SV2B: variants seen among roughly 807,000 people sequenced by gnomAD.
The protein encoded by SV2B is solute carrier family 22 member B2.
A neutral mutation model predicts 73.9 loss-of-function variants in SV2B; 41 were observed. The ratio of observed to expected loss-of-function variants is 0.56; its 90% CI spans 0.43 to 0.72. The LOEUF (loss-of-function observed/expected upper bound fraction) is 0.72, where lower values mean the gene tolerates loss of function less well. Among genes scored for constraint, SV2B ranks in the 30% least tolerant of loss-of-function variants. The pLI is 0.00. For synonymous variants in SV2B, 314 were observed against 314.2 expected, an observed-to-expected ratio of 1.00 and a Z score of 0.01; for missense variants, 764 against 857.8, an observed-to-expected ratio of 0.89 and a Z score of 1.37.
At chr15:91,114,306 G>A (rs897699904) in intron 1 of SV2B, among the ~76,000 whole-genome samples, 1 of 152,120 alleles carries the variant, frequency 6.6e-6, no homozygotes, top group Admixed American at 6.5e-5. Flanking sequence ...TTGAGGTGCT[G>A]GGAGGGTTAA....
intron 1 of SV2B, among the ~76,000 whole-genome samples, chr15:91,177,526 A>G (rs983944164): frequency 1.1e-4 from 16 of 150,114 alleles, no homozygotes; most frequent in Admixed American, 1.3e-4. Context: ...ACCCATGAGC[A>G]TGGAATGTTC....
intron 1 of SV2B, among the ~76,000 whole-genome samples, chr15:91,208,137 C>T (rs567690045): frequency 4.6e-5 from 7 of 152,248 alleles, no homozygotes; most frequent in African/African-American, 9.6e-5. Context: ...CAGTCTCACC[C>T]GCGTCTGTGA....
chr15:91,126,773 TAGAC>T (rs1259537736), intron 1 of SV2B, among the ~76,000 whole-genome samples: 2 of 152,224 alleles, frequency 1.3e-5, no homozygotes, highest in African/African-American at 2.4e-5. Context: ...GTCATTTTAA[TAGAC>T]AGAAAAACAT....
chr15:91,107,770 C>T (rs537784929), intron 1 of SV2B, among the ~76,000 whole-genome samples: 2 of 152,170 alleles, frequency 1.3e-5, no homozygotes, highest in African/African-American at 2.4e-5. Context: ...CCACCATGCC[C>T]GGCTAATTTT....
At chr15:91,166,739 T>C (rs550278287) in intron 1 of SV2B, among the ~76,000 whole-genome samples, 2 of 152,078 alleles carry the variant, frequency 1.3e-5, no homozygotes, top group Non-Finnish European at 1.5e-5. Flanking sequence ...ATTCCTCTGT[T>C]GAATCCATAC....
chr15:91,203,461 A>T (rs2045529913), intron 1 of SV2B, among the ~76,000 whole-genome samples: 1 of 152,264 alleles, frequency 6.6e-6, no homozygotes, highest in Admixed American at 6.5e-5. Context: ...AGCATCAAGA[A>T]TGTTCTATTT....
Position 91,100,550 on chromosome 15 carries a change from T to A in SV2B, c.-392+187T>A, listed in dbSNP as rs933991962. On this transcript the variant is annotated intron_variant, in intron 1 of 12. Coordinates refer to ENST00000394232, the MANE Select transcript of SV2B (RefSeq NM_001323032.3). The surrounding 1 kb of genome is among the most constrained non-coding windows in gnomAD (Gnocchi z 6.4). ...AAAACCGGCGCAGAAAAGCAAGGAC[T>A]TGCCCGCTGCCTGGAGCTGTGCGCT... Among the ~76,000 whole-genome samples, 1 of 152,218 alleles carries A rather than the reference T, an allele frequency of 6.6e-6. No individual in the cohort carries two copies.
intron 2 of SV2B, among the ~76,000 whole-genome samples, chr15:91,230,560 T>C (rs142645160): frequency 3.0e-4 from 45 of 152,352 alleles, no homozygotes; most frequent in African/African-American, 9.9e-4. Context: ...CATCTAGAAC[T>C]GTCTCACTTG....
At position 91,267,449 on chromosome 15, in the gene SV2B, G is replaced by T; in HGVS notation, c.1120-106G>T. 1.0e-6 allele frequency: 1 copy of T among 974,590 alleles called. No homozygotes were observed. Among genetic ancestry groups the T allele is most frequent in the Non-Finnish European group, 1.6e-6 (1 of 628,962 alleles). The allele number at this position is 974,590 out of a possible 1,614,324, so 60.4% of individuals were successfully genotyped here. A position where few individuals can be genotyped will look rare whatever the true frequency, so the allele number is the denominator to read the frequency against. ...ACAGTGGGGTACCGGTTCTCTCCAT[G>T]GGTTCCTAGGCAACTTATTAGAATA... On this transcript the variant is annotated intron_variant, in intron 7 of 12. Transcript: ENST00000394232. The surrounding 1 kb of genome is among the most constrained non-coding windows in gnomAD (Gnocchi z 4.3).
rs1439188161 is a variant in SV2B, at chr15:91,165,376, C to A, written c.-391-60497C>A. Among the ~76,000 whole-genome samples the A allele has an allele frequency of 2.0e-5, 3 of 152,048 alleles. No homozygotes were observed. The East Asian group carries it at 5.8e-4, about 29-fold the overall frequency. On this transcript the variant is annotated intron_variant, in intron 1 of 12. Coordinates refer to ENST00000394232, the MANE Select transcript of SV2B (RefSeq NM_001323032.3). ...AAAGGATGGTTGTATCAGTATTGAA[C>A]GTGTACAGGCTTTTTTCTTGTCATT...
chr15:91,184,529 A>G (rs1378324815), intron 1 of SV2B, among the ~76,000 whole-genome samples: 2 of 152,116 alleles, frequency 1.3e-5, no homozygotes, highest in East Asian at 3.8e-4. Context: ...AATCTTCCCC[A>G]AGGCCCTGCC....
rs1218473474 is a variant in SV2B, at chr15:91,231,586, C to T, written c.451+4872C>T. ...ATTGGCGACACGTAAGGCAAACCAA[C>T]CCCATCCTTTTCTGCCTGCATTTGA... On this transcript the variant is annotated intron_variant, in intron 2 of 12. Coordinates refer to ENST00000394232, the MANE Select transcript of SV2B (RefSeq NM_001323032.3). The surrounding 1 kb of genome is among the most constrained non-coding windows in gnomAD (Gnocchi z 4.5). 6.6e-6 allele frequency among the ~76,000 whole-genome samples: 1 copy of T among 152,174 alleles called. No individual in the cohort carries two copies. The highest frequency in any genetic ancestry group is 1.5e-5 in the Non-Finnish European group (1 of 68,038).
rs1392003576 is a variant in SV2B at position 91,301,316 on chromosome 15, GTC to G, written c.*8770_*8771del. The G allele has an allele frequency of 1.3e-5, 2 of 152,260 alleles. No individual in the cohort carries two copies. Among genetic ancestry groups the G allele is most frequent in the East Asian group, 3.9e-4 (2 of 5,186 alleles). The allele number at this position is 152,260 out of a possible 1,614,324, so 9.4% of individuals were successfully genotyped here. On this transcript the variant is annotated 3_prime_UTR_variant, in exon 13 of 13. Coordinates refer to ENST00000394232, the MANE Select transcript of SV2B (RefSeq NM_001323032.3). The surrounding 1 kb of genome is among the most constrained non-coding windows in gnomAD (Gnocchi z 4.3). ...TGTGAACTGACAAAACCCACTTTTG[GTC>G]TCTCTTCATATTTTTCGTGGTTTCA... is the stretch of plus-strand genomic sequence containing the variant.
chr15:91,219,797 A>G (rs2046157147), intron 1 of SV2B, among the ~76,000 whole-genome samples: 1 of 152,088 alleles, frequency 6.6e-6, no homozygotes, highest in African/African-American at 2.4e-5. Flanking sequence ...CCCCACTGTC[A>G]CCCACAGCTC....
chr15:91,114,183 CAAAAAAA>C (rs11372573), intron 1 of SV2B, among the ~76,000 whole-genome samples: 16 of 55,964 alleles, frequency 2.9e-4, no homozygotes, highest in Admixed American at 1.0e-3. Flanking sequence ...GACTCCATCT[CAAAAAAA>C]AAAAAAAAAA....
intron 1 of SV2B, among the ~76,000 whole-genome samples, chr15:91,192,553 G>C (rs2045078211): frequency 6.6e-6 from 1 of 152,216 alleles, no homozygotes; most frequent in Admixed American, 6.5e-5. Flanking sequence ...CAGTGAAGTA[G>C]TGTGTGAAAC....
intron 1 of SV2B, among the ~76,000 whole-genome samples, chr15:91,217,484 C>T (rs2046073346): frequency 2.6e-5 from 4 of 152,078 alleles, no homozygotes; most frequent in Admixed American, 2.0e-4. Flanking sequence ...TTAATGGGTG[C>T]AGCACACCAA....
In SV2B at chr15:91,268,393, A is replaced by T. The variant is rs750316195; in HGVS notation, c.1209-48A>T. ...TCAAGAGTGTAGACCCTGATCATGA[A>T]AGAATGAATCCTGTTGTTGTTGCAA... On this transcript the variant is annotated intron_variant, in intron 8 of 12. Transcript: ENST00000394232. The surrounding 1 kb of genome is among the most constrained non-coding windows in gnomAD (Gnocchi z 4.4). 2 of 1,572,310 alleles carry T rather than the reference A, an allele frequency of 1.3e-6. No individual in the cohort carries two copies. Among genetic ancestry groups the T allele is most frequent in the Non-Finnish European group, 1.7e-6 (2 of 1,152,336 alleles).
At chr15:91,126,991 A>G (rs1276311581) in intron 1 of SV2B, among the ~76,000 whole-genome samples, 1 of 152,242 alleles carries the variant, frequency 6.6e-6, no homozygotes, top group Non-Finnish European at 1.5e-5. Context: ...TAGGACACAT[A>G]GCATGGGCTT....
Sources: allele counts gnomAD v4.1 joint callset (sites outside exome capture counted in the v4.1 genomes callset), GRCh38; gene constraint gnomAD v4.1.1; non-coding constraint Gnocchi (gnomAD v3.1); transcripts MANE v1.5; gene names NCBI Gene and HGNC (gene_info 2026-07-23, HGNC 2026-07-21).